Variants in HCLS1 observed in about 807,000 individuals in gnomAD.
HCLS1 encodes the protein hematopoietic cell-specific Lyn substrate 1.
A neutral mutation model predicts 68.6 loss-of-function variants in HCLS1; 44 were observed. The observed-to-expected ratio is 0.64, with a 90% confidence interval of 0.50 to 0.82. The LOEUF (loss-of-function observed/expected upper bound fraction) is 0.82, where lower values mean the gene tolerates loss of function less well. Among genes scored for constraint, HCLS1 ranks in the 40% least tolerant of loss-of-function variants. HCLS1 has a pLI of 0.00. For synonymous variants in HCLS1, 217 were observed against 225.8 expected (o/e 0.96, Z 0.35); for missense variants, 602 against 612.1 (o/e 0.98, Z 0.17).
Position 121,632,368 on chromosome 3 carries a change from C to A in HCLS1, c.1204G>T (p.Glu402Ter). 6.2e-7 allele frequency: 1 copy of A among 1,614,128 alleles called. No homozygotes were observed. The highest frequency in any genetic ancestry group is 8.5e-7 in the Non-Finnish European group (1 of 1,180,012). ...GAAGAAAAAGAAGAATCTTCAGGCT[C>A]GAGCACCTCCTCATAGTCCCCCTCT... ...EPEGDYEEVL[E>*]PEDSSFSSAL... The change falls in exon 12 of 14, where the codon GAG (glutamate) becomes TAG (stop). Residue 402 changes from glutamate to a stop codon, truncating the protein, a stop_gained. Transcript: ENST00000314583. LOFTEE classifies it high-confidence loss of function.
intron 8 of HCLS1, 137 bp from the exon 9 acceptor site, chr3:121,635,941 C>T: frequency 1.5e-6 from 1 of 679,692 alleles, no homozygotes; most frequent in Non-Finnish European, 2.6e-6. Flanking sequence ...ACAGCATGTT[C>T]CAATGTTGTT....
At chr3:121,658,025 C>T (rs1937910823) in intron 2 of HCLS1, 3 of 480,382 alleles carry the variant, frequency 6.2e-6, no homozygotes, top group Non-Finnish European at 3.8e-6. Context: ...TGTAGCCTGC[C>T]ATGGCCTGTC....
At chr3:121,649,167 GA>G (rs1937684571) in intron 3 of HCLS1, among the ~76,000 whole-genome samples, 1 of 152,156 alleles carries the variant, frequency 6.6e-6, no homozygotes, top group African/African-American at 2.4e-5. Flanking sequence ...TAATTTGAAT[GA>G]AATTGTTGAG....
At chr3:121,658,456 T>C in intron 1 of HCLS1, 109 bp from the exon 2 acceptor site, 1 of 819,816 alleles carries the variant, frequency 1.2e-6, no homozygotes, top group Non-Finnish European at 2.0e-6. Flanking sequence ...CTGCCATTTT[T>C]TTTTTCTTAG....
Position 121,644,903 on chromosome 3 carries a change from G to T in HCLS1, c.314C>A (p.Ala105Asp), listed in dbSNP as rs1355907866. 1 of 1,613,904 alleles carries T rather than the reference G, an allele frequency of 6.2e-7. No individual in the cohort carries two copies. The highest frequency in any genetic ancestry group is 8.5e-7 in the Non-Finnish European group (1 of 1,179,838). The change falls in exon 5 of 14, where the codon GCC (alanine) becomes GAC (aspartate). Residue 105 changes from alanine to aspartate, a missense_variant. By Grantham distance (126) the Ala-to-Asp change is moderately radical. Coordinates refer to ENST00000314583, the MANE Select transcript of HCLS1 (RefSeq NM_005335.6). Reference protein sequence around the residue: ...DKSAVGHEYVAEVEKHSSQTD... With the variant: ...DKSAVGHEYVDEVEKHSSQTD... ...CTGAGAAGAGTGCTTCTCCACCTCG[G>T]CAACATACTCATGGCCCACTGCACT...
chr3:121,637,351 T>G (rs2049159868), intron 6 of HCLS1, 95 bp from the exon 7 acceptor site: 3 of 788,448 alleles, frequency 3.8e-6, no homozygotes, highest in Non-Finnish European at 4.5e-6. Flanking sequence ...GGGTACAGAG[T>G]GTTAGGGGCC....
At chr3:121,645,866 T>A (rs1197521886) in intron 4 of HCLS1, among the ~76,000 whole-genome samples, 1 of 145,790 alleles carries the variant, frequency 6.9e-6, no homozygotes, top group Non-Finnish European at 1.5e-5. Context: ...ACTATATATT[T>A]ATGAATAAAC....
At chr3:121,644,615 A>G (rs1458414515) in intron 5 of HCLS1, 1 of 682,996 alleles carries the variant, frequency 1.5e-6, no homozygotes, top group Non-Finnish European at 2.7e-6. Flanking sequence ...TATTTGAATC[A>G]CTGTCTTTCA....
chr3:121,632,039 G>A, intron 13 of HCLS1, 57 bp from the exon 14 acceptor site: 3 of 1,613,278 alleles, frequency 1.9e-6, no homozygotes, highest in South Asian at 2.2e-5. Flanking sequence ...CTTTTCACAT[G>A]TCCCCCTGTC....
intron 1 of HCLS1, among the ~76,000 whole-genome samples, chr3:121,659,920 TAAAG>T (rs1295419014): frequency 6.6e-6 from 1 of 152,174 alleles, no homozygotes; most frequent in Admixed American, 6.5e-5. Flanking sequence ...ATTTTTGAAA[TAAAG>T]AGTTTCTGAA....
chr3:121,642,321 T>C (rs1407833464), intron 6 of HCLS1, among the ~76,000 whole-genome samples: 4 of 140,138 alleles, frequency 2.9e-5, no homozygotes, highest in Non-Finnish European at 6.2e-5. Context: ...AAAAAAAAAT[T>C]AGCCAGGCGT....
At chr3:121,635,928 T>C (rs2049146892) in intron 8 of HCLS1, 124 bp from the exon 9 acceptor site, 2 of 717,342 alleles carry the variant, frequency 2.8e-6, no homozygotes, top group Non-Finnish European at 4.9e-6. Context: ...GCTCAACAGC[T>C]GGACAGCATG....
At chr3:121,646,767 T>G (rs1470926521) in intron 4 of HCLS1, among the ~76,000 whole-genome samples, 1 of 135,310 alleles carries the variant, frequency 7.4e-6, no homozygotes, top group East Asian at 2.1e-4. Flanking sequence ...CTTATATAAT[T>G]ATATACTTAC....
At chr3:121,638,755 C>A (rs1434583638) in intron 6 of HCLS1, among the ~76,000 whole-genome samples, 1 of 152,046 alleles carries the variant, frequency 6.6e-6, no homozygotes, top group East Asian at 1.9e-4. Flanking sequence ...ATAAAGTGAT[C>A]TCAAGACAAA....
chr3:121,640,800 G>A (rs2049190161), intron 6 of HCLS1, among the ~76,000 whole-genome samples: 1 of 110,474 alleles, frequency 9.1e-6, no homozygotes, highest in African/African-American at 3.4e-5. Flanking sequence ...GGGAGGGGAG[G>A]GGAGGGGAGG....
chr3:121,657,098 G>T, intron 3 of HCLS1, 181 bp downstream of exon 3: 1 of 554,992 alleles, frequency 1.8e-6, no homozygotes, highest in Non-Finnish European at 3.2e-6. Flanking sequence ...GACATAAAAT[G>T]GAAATATGCA....
chr3:121,648,476 G>A (rs1441492879), intron 3 of HCLS1, among the ~76,000 whole-genome samples: 10 of 152,234 alleles, frequency 6.6e-5, no homozygotes, highest in Admixed American at 1.3e-4. Flanking sequence ...ATAAGGATCC[G>A]GGGATTCTTG....
intron 6 of HCLS1, 101 bp downstream of exon 6, chr3:121,642,826 A>G: frequency 1.1e-6 from 1 of 909,546 alleles, no homozygotes; most frequent in South Asian, 1.3e-5. Flanking sequence ...GCGCTGGGTC[A>G]TGGAAGTTAA....
At chr3:121,634,039 T>C (rs756103142) in intron 10 of HCLS1, among the ~76,000 whole-genome samples, 168 bp downstream of exon 10, 4 of 152,208 alleles carry the variant, frequency 2.6e-5, no homozygotes, top group Non-Finnish European at 5.9e-5. Flanking sequence ...AACATTCTGA[T>C]AGGAGGTCCA....
Sources: gnomAD v4.1 joint callset for allele counts (sites outside exome capture counted in the v4.1 genomes callset) on GRCh38, gnomAD v4.1.1 for gene constraint, MANE v1.5 for transcripts, NCBI Gene and HGNC (gene_info 2026-07-23, HGNC 2026-07-21) for gene names.